NKAIN2: variants seen among roughly 807,000 people sequenced by gnomAD.
The protein encoded by NKAIN2 is sodium/potassium-transporting ATPase subunit beta-1-interacting protein 2.
In NKAIN2, 14 loss-of-function variants were observed where a neutral mutation model predicts 32.6. The observed-to-expected ratio is 0.43, with a 90% CI of 0.28 to 0.67. The LOEUF (loss-of-function observed/expected upper bound fraction) is 0.67, where lower values mean the gene tolerates loss of function less well. NKAIN2 is among the 30% of genes least tolerant of loss of function. NKAIN2 has a pLI of 0.17. For synonymous variants in NKAIN2, 80 were observed against 87.2 expected, an observed-to-expected ratio of 0.92 and a Z score of 0.46; for missense variants, 198 against 258.3, an observed-to-expected ratio of 0.77 and a Z score of 1.60.
chr6:124,673,725 A>C (rs752657502), intron 4 of NKAIN2, among the ~76,000 whole-genome samples: 110 of 151,500 alleles, frequency 7.3e-4, no homozygotes, highest in Non-Finnish European at 1.2e-3. Context: ...CCCATTTTTT[A>C]ATTGGGTTTT....
intron 4 of NKAIN2, among the ~76,000 whole-genome samples, chr6:124,748,565 A>G (rs1185420773): frequency 6.6e-6 from 1 of 151,950 alleles, no homozygotes; most frequent in Non-Finnish European, 1.5e-5. Context: ...GATTTTTTTT[A>G]CAGTTTAAGA....
Position 123,879,412 on chromosome 6 carries a change from G to A in NKAIN2, c.54+75158G>A, listed in dbSNP as rs1000473319. ...CACCCCATTTTGTATTGGGGTGAAG[G>A]CTAAGTTGCTATAACAAAGAAATCT... On this transcript the variant is annotated intron_variant, in intron 1 of 6. Transcript: ENST00000368417. Among the ~76,000 whole-genome samples the A allele has an allele frequency of 2.0e-5, 3 of 152,134 alleles. No homozygotes were observed. In the South Asian group the frequency reaches 6.2e-4, roughly 32 times the overall value.
intron 1 of NKAIN2, among the ~76,000 whole-genome samples, chr6:124,214,594 C>A (rs1028701339): frequency 8.6e-5 from 13 of 152,024 alleles, no homozygotes; most frequent in Non-Finnish European, 1.6e-4. Context: ...ACTAAAAATA[C>A]AAAAACTAGC....
At chr6:124,140,702 A>G (rs1174159526) in intron 1 of NKAIN2, among the ~76,000 whole-genome samples, 3 of 152,204 alleles carry the variant, frequency 2.0e-5, no homozygotes, top group Admixed American at 6.5e-5. Context: ...TTTTAAAAAA[A>G]GTGTTTGTGT....
chr6:124,163,286 A>G (rs1003717834), intron 1 of NKAIN2, among the ~76,000 whole-genome samples: 3 of 152,146 alleles, frequency 2.0e-5, no homozygotes, highest in African/African-American at 7.2e-5. Flanking sequence ...TGCTTGAATT[A>G]TAAGGAACAG....
At chr6:124,787,995 A>G (rs1337704974) in intron 4 of NKAIN2, among the ~76,000 whole-genome samples, 2 of 152,082 alleles carry the variant, frequency 1.3e-5, no homozygotes, top group South Asian at 2.1e-4. Flanking sequence ...TGAGAGGATT[A>G]ATGGGCTAAC....
At chr6:124,684,827 T>A (rs549870759) in intron 4 of NKAIN2, among the ~76,000 whole-genome samples, 1 of 152,268 alleles carries the variant, frequency 6.6e-6, no homozygotes, top group Non-Finnish European at 1.5e-5. Flanking sequence ...CAAACCACCC[T>A]AACCCCCAAA....
chr6:124,324,371 G>A (rs1797332215), intron 2 of NKAIN2, among the ~76,000 whole-genome samples: 1 of 151,800 alleles, frequency 6.6e-6, no homozygotes, highest in Non-Finnish European at 1.5e-5. Flanking sequence ...TTTAGCAATT[G>A]TAAATGTTAT....
intron 3 of NKAIN2, among the ~76,000 whole-genome samples, chr6:124,461,811 T>G (rs1380659758): frequency 6.6e-6 from 1 of 151,832 alleles, no homozygotes; most frequent in South Asian, 2.1e-4. Flanking sequence ...TATAGATAAC[T>G]CCTTGTTAAC....
chr6:124,071,899 C>T (rs914083048), intron 1 of NKAIN2, among the ~76,000 whole-genome samples: 28 of 152,068 alleles, frequency 1.8e-4, no homozygotes, highest in South Asian at 2.1e-4. Flanking sequence ...AGTTCAGCCA[C>T]GTTGAAAGCA....
At chr6:124,517,394 C>A (rs2114787817) in intron 3 of NKAIN2, among the ~76,000 whole-genome samples, 1 of 152,224 alleles carries the variant, frequency 6.6e-6, no homozygotes, top group Middle Eastern at 3.4e-3. Context: ...ACACAAAAAT[C>A]TGATCTTTTT....
chr6:124,406,698 A>G (rs1264420722), intron 3 of NKAIN2, among the ~76,000 whole-genome samples: 4 of 152,122 alleles, frequency 2.6e-5, no homozygotes, highest in Non-Finnish European at 5.9e-5. Context: ...ACGTTCTTAC[A>G]AGTAGCATAT....
At chr6:124,147,796 T>A (rs1316902198) in intron 1 of NKAIN2, among the ~76,000 whole-genome samples, 3 of 152,140 alleles carry the variant, frequency 2.0e-5, no homozygotes, top group South Asian at 2.1e-4. Context: ...TAATTGGCCA[T>A]TGCTTGCACT....
intron 3 of NKAIN2, among the ~76,000 whole-genome samples, chr6:124,356,810 T>G (rs529880817): frequency 6.6e-6 from 1 of 152,338 alleles, no homozygotes; most frequent in Non-Finnish European, 1.5e-5. Context: ...TTCAAAGGAA[T>G]TCCATAGTCG....
intron 3 of NKAIN2, among the ~76,000 whole-genome samples, chr6:124,491,779 A>G (rs575819560): frequency 7.1e-4 from 108 of 152,084 alleles, no homozygotes; most frequent in Admixed American, 6.9e-3. Flanking sequence ...TGCAGGTAGT[A>G]AAGTCTGTAG....
intron 3 of NKAIN2, 34 bp from the exon 4 acceptor site, chr6:124,658,152 G>GTAAT (rs1298282396): frequency 6.7e-7 from 1 of 1,493,758 alleles, no homozygotes; most frequent in African/African-American, 1.4e-5. Flanking sequence ...CATTTATAAA[G>GTAAT]TAATTCTCAT....
At chr6:124,384,537 A>G (rs773710534) in intron 3 of NKAIN2, among the ~76,000 whole-genome samples, 8 of 152,166 alleles carry the variant, frequency 5.3e-5, no homozygotes, top group Admixed American at 2.0e-4. Flanking sequence ...TAATCACAAA[A>G]ATTATTGAGA....
rs1180346166 is a variant in NKAIN2, at chr6:124,325,305, G to A, written c.193-29962G>A. Reference sequence around the variant, plus strand: ...GCAATTCATATTATATTGCTAGTGGGGATGTAAAATGGTTCAAATACTATG... The same window carrying A: ...GCAATTCATATTATATTGCTAGTGGAGATGTAAAATGGTTCAAATACTATG... On this transcript the variant is annotated intron_variant, in intron 2 of 6. Transcript: ENST00000368417. 2.6e-5 allele frequency among the ~76,000 whole-genome samples: 4 copies of A among 152,038 alleles called. No individual in the cohort carries two copies. The East Asian group carries it at 7.7e-4, about 29-fold the overall frequency.
intron 1 of NKAIN2, among the ~76,000 whole-genome samples, chr6:124,075,452 G>C (rs1298181976): frequency 2.6e-5 from 4 of 152,092 alleles, no homozygotes; most frequent in African/African-American, 9.7e-5. Flanking sequence ...TGTTACTGAA[G>C]TAGGCATTAT....
Sources: allele counts gnomAD v4.1 joint callset (sites outside exome capture counted in the v4.1 genomes callset), GRCh38; gene constraint gnomAD v4.1.1; transcripts MANE v1.5; gene names NCBI Gene and HGNC (gene_info 2026-07-23, HGNC 2026-07-21).